The following HECW2 variants were observed in gnomAD, a reference collection of about 807,000 sequenced individuals.
The protein encoded by HECW2 is HECT, C2 and WW domain containing E3 ubiquitin protein ligase 2, also known as E3 ubiquitin-protein ligase HECW2.
In HECW2, 61 loss-of-function variants were observed where a neutral mutation model predicts 175.2. That is an observed-to-expected ratio of 0.35 (90% CI 0.28 to 0.43). The LOEUF is 0.43. Ranked by LOEUF, HECW2 falls within the 20% of genes least tolerant of loss-of-function variation. HECW2 has a pLI of 1.00. For synonymous variants in HECW2, 671 were observed against 731.0 expected (o/e 0.92, Z 1.32); for missense variants, 1,524 against 2,000.5 (o/e 0.76, Z 4.54).
Position 196,343,738 on chromosome 2 carries a change from C to T in HECW2, c.319G>A (p.Asp107Asn). Residue 107 changes from aspartate (D) to asparagine (N), a missense_variant, in exon 3 of 29, where the codon GAT becomes AAT. Coordinates refer to ENST00000644978, the MANE Select transcript of HECW2 (RefSeq NM_001348768.2). ...CCAGTCACACCCCTGTTCTTAGAAT[C>T]CCAGAAGTTGGCTGGAGAATTCTCA... is the stretch of plus-strand genomic sequence containing the variant. ...IDENSPANFW[D>N]SKNRGVTGTQ... The T allele has an allele frequency of 6.2e-7, 1 of 1,613,384 alleles. No homozygotes were observed. The highest frequency in any genetic ancestry group is 8.5e-7 in the Non-Finnish European group (1 of 1,179,414).
rs1441972537 is a variant in HECW2, at chr2:196,248,602, AC to A, written c.3529+5317del. On this transcript the variant is annotated intron_variant, in intron 19 of 28. Transcript: ENST00000644978. ...GAGAGAGAGAGAGACAGACAGACAC[AC>A]ACACACACACACACACACACACACA... 3.1e-4 allele frequency among the ~76,000 whole-genome samples: 41 copies of A among 132,334 alleles called. 1 individual carries two copies. The highest frequency in any genetic ancestry group is 1.4e-3 in the South Asian group (6 of 4,158). 86.8% of individuals were successfully genotyped at this position (132,334 alleles called of 152,430 possible).
Position 196,374,096 on chromosome 2 carries a change from C to T in HECW2, c.293-30332G>A, listed in dbSNP as rs559347748. ...GCCACCAAAGATTATATAAATTCAA[C>T]GGTGAATAATATGTCATGATTCATA... On this transcript the variant is annotated intron_variant, in intron 2 of 28. Transcript: ENST00000644978. Among the ~76,000 whole-genome samples the T allele has an allele frequency of 1.1e-4, 16 of 151,954 alleles. No homozygotes were observed. The East Asian group carries it at 1.7e-3, about 17-fold the overall frequency.
intron 1 of HECW2, among the ~76,000 whole-genome samples, chr2:196,577,662 G>A (rs1690608212): frequency 6.6e-6 from 1 of 152,154 alleles, no homozygotes; most frequent in Non-Finnish European, 1.5e-5. Context: ...GGCTAAGGCA[G>A]AATTGTCAAC....
chr2:196,239,332 A>T (rs1448988239), intron 21 of HECW2: 1 of 152,230 alleles, frequency 6.6e-6, no homozygotes, highest in African/African-American at 2.4e-5. Context: ...GATAGGAAAA[A>T]ATTCAGATGG....
intron 2 of HECW2, among the ~76,000 whole-genome samples, chr2:196,348,498 A>C (rs1220765322): frequency 1.3e-5 from 2 of 152,094 alleles, no homozygotes; most frequent in African/African-American, 2.4e-5. Context: ...AATTTTTTTA[A>C]TTAGCTGGGC....
chr2:196,546,623 G>A (rs1205216535), intron 1 of HECW2, among the ~76,000 whole-genome samples: 1 of 152,126 alleles, frequency 6.6e-6, no homozygotes, highest in Non-Finnish European at 1.5e-5. Context: ...AGGGGTTGGT[G>A]CTTGACCTAC....
intron 9 of HECW2, 53 bp downstream of exon 9, chr2:196,318,497 TTC>T (rs2105752623): frequency 7.2e-7 from 1 of 1,398,418 alleles, no homozygotes; most frequent in Middle Eastern, 1.9e-4. Flanking sequence ...ACTACAGAAC[TTC>T]TCTCTGCACA....
At chr2:196,275,618 G>GGT (rs1252649276) in intron 15 of HECW2, among the ~76,000 whole-genome samples, 19 of 152,132 alleles carry the variant, frequency 1.2e-4, no homozygotes, top group Non-Finnish European at 2.5e-4. Flanking sequence ...CGGGCGCGGT[G>GGT]GCAGGTGCCT....
At chr2:196,202,104 A>T (rs190102141) in intron 28 of HECW2, among the ~76,000 whole-genome samples, 1 of 152,334 alleles carries the variant, frequency 6.6e-6, no homozygotes, top group East Asian at 1.9e-4. Context: ...TAAAAAATAG[A>T]CAGTCTCCAA....
chr2:196,363,081 G>A (rs1010464976), intron 2 of HECW2, among the ~76,000 whole-genome samples: 1 of 152,188 alleles, frequency 6.6e-6, no homozygotes, highest in African/African-American at 2.4e-5. Context: ...TTCTGGAATT[G>A]GATGAGTGAA....
chr2:196,581,894 A>C (rs1414541764), intron 1 of HECW2, among the ~76,000 whole-genome samples: 1 of 151,774 alleles, frequency 6.6e-6, no homozygotes, highest in African/African-American at 2.4e-5. Flanking sequence ...GTGAAACCCT[A>C]TCTCTACTAA....
chr2:196,472,809 C>G (rs1241326304), intron 1 of HECW2, among the ~76,000 whole-genome samples: 1 of 151,950 alleles, frequency 6.6e-6, no homozygotes, highest in African/African-American at 2.4e-5. Context: ...TTAGTAGAGA[C>G]GGGGTTTCGC....
intron 2 of HECW2, among the ~76,000 whole-genome samples, chr2:196,430,622 G>A (rs1407070341): frequency 6.6e-6 from 1 of 152,090 alleles, no homozygotes; most frequent in Non-Finnish European, 1.5e-5. Flanking sequence ...TTCTAGAAAT[G>A]AAAAGTCAAA....
chr2:196,401,357 A>C (rs1694812678), intron 2 of HECW2, among the ~76,000 whole-genome samples: 1 of 152,216 alleles, frequency 6.6e-6, no homozygotes, highest in South Asian at 2.1e-4. Context: ...TTTACAGAAG[A>C]ATGCATATAA....
chr2:196,244,568 C>G (rs765108524), intron 19 of HECW2, among the ~76,000 whole-genome samples: 2 of 151,944 alleles, frequency 1.3e-5, no homozygotes, highest in African/African-American at 4.8e-5. Context: ...CCCCAAGCCC[C>G]GCAAGCATTT....
At chr2:196,468,008 AGTT>A (rs1697031450) in intron 1 of HECW2, among the ~76,000 whole-genome samples, 2 of 152,004 alleles carry the variant, frequency 1.3e-5, no homozygotes, top group Non-Finnish European at 2.9e-5. Context: ...TCATTCTCCC[AGTT>A]GTTTCTTTTT....
intron 2 of HECW2, among the ~76,000 whole-genome samples, chr2:196,432,146 C>G (rs1429670582): frequency 6.6e-6 from 1 of 152,132 alleles, no homozygotes; most frequent in Non-Finnish European, 1.5e-5. Context: ...GTCTCCAAAC[C>G]TTGCCGAATG....
intron 2 of HECW2, among the ~76,000 whole-genome samples, chr2:196,356,807 T>C (rs939806447): frequency 2.0e-5 from 3 of 152,238 alleles, no homozygotes; most frequent in African/African-American, 7.2e-5. Flanking sequence ...TGTGCCTAAT[T>C]TATAAAGTAA....
chr2:196,519,801 G>C (rs1445972479), intron 1 of HECW2, among the ~76,000 whole-genome samples: 2 of 152,120 alleles, frequency 1.3e-5, no homozygotes, highest in Non-Finnish European at 2.9e-5. Flanking sequence ...TAAAATACGA[G>C]AACTATATGA....
Sources: allele counts gnomAD v4.1 joint callset (sites outside exome capture counted in the v4.1 genomes callset), GRCh38; gene constraint gnomAD v4.1.1; transcripts MANE v1.5; gene names NCBI Gene and HGNC (gene_info 2026-07-23, HGNC 2026-07-21).